SEC13: variants seen among roughly 807,000 people sequenced by gnomAD.
SEC13 encodes the protein SEC13 homolog, nuclear pore and COPII component, also known as protein SEC13 homolog.
Under a neutral mutation model 49.2 loss-of-function variants are expected in SEC13, and 25 were observed. The ratio of observed to expected loss-of-function variants is 0.51; its 90% CI spans 0.37 to 0.71. SEC13 has a LOEUF of 0.71. Ranked by LOEUF, SEC13 falls within the 30% of genes least tolerant of loss-of-function variation. The pLI is 0.00. For synonymous variants in SEC13, 148 were observed against 163.9 expected, an observed-to-expected ratio of 0.90 and a Z score of 0.74; for missense variants, 383 against 417.6, an observed-to-expected ratio of 0.92 and a Z score of 0.72.
intron 3 of SEC13, 126 bp from the exon 4 acceptor site, chr3:10,312,856 C>A: frequency 1.1e-6 from 1 of 915,198 alleles, no homozygotes. Flanking sequence ...AAAGGGAGAA[C>A]TATACAATGC....
Position 10,300,950 on chromosome 3 carries a change from A to ATTTAGTTCC in SEC13, c.*302_*310dup, listed in dbSNP as rs573836367. 6.1e-4 allele frequency: 532 copies of ATTTAGTTCC among 877,454 alleles called. 1 individual carries two copies. The highest frequency in any genetic ancestry group is 7.1e-4 in the Non-Finnish European group (397 of 557,276). The allele number at this position is 877,454 out of a possible 1,614,324, so 54.4% of individuals were successfully genotyped here. On this transcript the variant is annotated 3_prime_UTR_variant, in exon 9 of 9. Transcript: ENST00000350697. ...CAGGAATTATAAGCAATATGACTTT[A>ATTTAGTTCC]TTTAGTTCCTTTGGAAACAAAACCC...
At chr3:10,317,975 A>G (rs976239193) in intron 2 of SEC13, 75 bp downstream of exon 2, 7 of 1,023,178 alleles carry the variant, frequency 6.8e-6, no homozygotes, top group Non-Finnish European at 1.1e-5. Flanking sequence ...GGGGTAATGA[A>G]AACCCCAAAT....
intron 5 of SEC13, among the ~76,000 whole-genome samples, chr3:10,309,680 G>T (rs1701129087): frequency 6.6e-6 from 1 of 152,146 alleles, no homozygotes; most frequent in South Asian, 2.1e-4. Context: ...TCGGTTATGT[G>T]GGCATGTCTT....
intron 5 of SEC13, among the ~76,000 whole-genome samples, chr3:10,307,985 C>T (rs1434194783): frequency 6.6e-6 from 1 of 152,192 alleles, no homozygotes; most frequent in Non-Finnish European, 1.5e-5. Context: ...GTAGATTTCT[C>T]AGGAAGGGCT....
chr3:10,312,804 T>C, intron 3 of SEC13, 74 bp from the exon 4 acceptor site: 1 of 1,458,510 alleles, frequency 6.9e-7, no homozygotes, highest in Non-Finnish European at 9.5e-7. Context: ...ACTAAATGGC[T>C]CCCTGAGACG....
In SEC13 at chr3:10,318,107, A is replaced by G; in HGVS notation, c.4-13T>C. ...TAATTACTGACACCTAGAACCAAAG[A>G]TATCACTGGTAAATTAACTCATGGC... On this transcript the variant is annotated splice_polypyrimidine_tract_variant and intron_variant, in intron 1 of 8. Transcript: ENST00000350697. 1 of 1,584,940 alleles carries G rather than the reference A, an allele frequency of 6.3e-7. No individual in the cohort carries two copies. The highest frequency in any genetic ancestry group is 8.7e-7 in the Non-Finnish European group (1 of 1,153,874).
chr3:10,304,125 C>T lies in SEC13; in HGVS notation c.756G>A (p.Thr252=), dbSNP rs761585443. The change falls in exon 8 of 9, where the codon ACG becomes ACA. Residue 252 remains threonine, a synonymous_variant. Transcript: ENST00000350697. ...ACTTGTGCAACAATTTAGGGGACCA[C>T]GTATTGCTTGAGGCATCATCACAGG... is the stretch of plus-strand genomic sequence containing the variant. ...IWTCDDASSN[T]WSPKLLHKFN... 49 of 1,613,994 alleles carry T rather than the reference C, an allele frequency of 3.0e-5. No individual in the cohort carries two copies. Among genetic ancestry groups the T allele is most frequent in the Middle Eastern group, 1.6e-4 (1 of 6,084 alleles).
intron 1 of SEC13, among the ~76,000 whole-genome samples, chr3:10,319,819 GAAAGA>G (rs1324925599): frequency 2.0e-4 from 5 of 24,766 alleles, no homozygotes; most frequent in Non-Finnish European, 1.7e-4. Context: ...GGGGGGGGAG[GAAAGA>G]GGGAGGGGGA....
intron 5 of SEC13, chr3:10,305,973 C>A (rs2125249953): frequency 3.6e-6 from 1 of 278,134 alleles, no homozygotes; most frequent in East Asian, 6.2e-5. Flanking sequence ...TACATTGGAG[C>A]TTTTTTTTAA....
rs774247180 is a variant in SEC13, at chr3:10,304,881, C to G, written c.708+152G>C. 1.8e-4 allele frequency: 210 copies of G among 1,137,922 alleles called. No individual in the cohort carries two copies. The Middle Eastern group carries it at 6.9e-3, about 37-fold the overall frequency. 70.5% of individuals were successfully genotyped at this position (1,137,922 alleles called of 1,614,324 possible). On this transcript the variant is annotated intron_variant, in intron 7 of 8. Coordinates refer to ENST00000350697, the MANE Select transcript of SEC13 (RefSeq NM_183352.3). Reference sequence around the variant, plus strand: ...ACTTGTGGCTTCTGACCAAGACTTCCCCACACAATGACCTGACTCCCTGTG... The same window carrying G: ...ACTTGTGGCTTCTGACCAAGACTTCGCCACACAATGACCTGACTCCCTGTG...
At chr3:10,319,646 G>C (rs913887947) in intron 1 of SEC13, among the ~76,000 whole-genome samples, 1 of 151,770 alleles carries the variant, frequency 6.6e-6, no homozygotes, top group Non-Finnish European at 1.5e-5. Flanking sequence ...GGTTCACGAA[G>C]AAAGTTTACT....
In SEC13 at chr3:10,301,368, G is replaced by T. The variant is rs1700497379; in HGVS notation, c.862C>A (p.Leu288Met). The T allele has an allele frequency of 2.5e-6, 4 of 1,614,032 alleles. No individual in the cohort carries two copies. The highest frequency in any genetic ancestry group is 8.5e-7 in the Non-Finnish European group (1 of 1,180,038). ...TGCCCATCAACTGACTCCTTCCACA[G>T]GGTCACCTGCGAGTCAGTGCACAAG... The part of the protein sequence containing the change: ...AVSGGDNKVT[L>M]WKESVDGQWV... The change falls in exon 9 of 9, where the codon CTG becomes ATG. Residue 288 changes from leucine (L) to methionine (M), a missense_variant. Coordinates refer to ENST00000350697, the MANE Select transcript of SEC13 (RefSeq NM_183352.3).
intron 6 of SEC13, 68 bp from the exon 7 acceptor site, chr3:10,305,224 A>G: frequency 3.3e-6 from 5 of 1,527,380 alleles, no homozygotes; most frequent in Middle Eastern, 3.5e-4. Context: ...CCCCAACCCA[A>G]CAGGCTCTGC....
intron 8 of SEC13, among the ~76,000 whole-genome samples, chr3:10,301,692 G>C (rs930875935): frequency 6.6e-6 from 1 of 152,210 alleles, no homozygotes; most frequent in Non-Finnish European, 1.5e-5. Flanking sequence ...CCCCAGACCA[G>C]AGCAGAGCAT....
intron 7 of SEC13, among the ~76,000 whole-genome samples, chr3:10,304,611 C>G (rs1487022899): frequency 6.6e-6 from 1 of 152,174 alleles, no homozygotes; most frequent in Non-Finnish European, 1.5e-5. Flanking sequence ...AGCTGGCTCC[C>G]TCTAGGGTGG....
rs757363368 is a variant in SEC13 at position 10,304,056 on chromosome 3, G to A, written c.825C>T (p.Asn275=). ...TGTCTCCACCAGAGACAGCCAGGAT[G>A]TTGGCTGTGATGGACCAGCTCACAT... The part of the protein sequence containing the change: ...VWHVSWSITA[N]ILAVSGGDNK... Residue 275 remains asparagine, a synonymous_variant, in exon 8 of 9, where the codon AAC becomes AAT. Transcript: ENST00000350697. 6.2e-7 allele frequency: 1 copy of A among 1,614,186 alleles called. No individual in the cohort carries two copies. Among genetic ancestry groups the A allele is most frequent in the East Asian group, 2.2e-5 (1 of 44,892 alleles).
Position 10,301,388 on chromosome 3 carries a change from C to CACAAGCAG in SEC13, c.856-22_856-15dup. 6.2e-7 allele frequency: 1 copy of CACAAGCAG among 1,614,132 alleles called. No homozygotes were observed. Among genetic ancestry groups the CACAAGCAG allele is most frequent in the South Asian group, 1.1e-5 (1 of 91,086 alleles). On this transcript the variant is annotated splice_polypyrimidine_tract_variant and intron_variant, in intron 8 of 8. Transcript: ENST00000350697. The stretch of plus-strand genomic sequence containing the variant: ...CCACAGGGTCACCTGCGAGTCAGTG[C>CACAAGCAG]ACAAGCAGATTATCACGGGTCTGTG...
At chr3:10,310,488 C>A (rs1037273606) in intron 5 of SEC13, among the ~76,000 whole-genome samples, 2 of 152,080 alleles carry the variant, frequency 1.3e-5, no homozygotes, top group African/African-American at 4.8e-5. Context: ...AAGCCTCCGT[C>A]TCAAAAAAAC....
intron 5 of SEC13, among the ~76,000 whole-genome samples, chr3:10,308,058 A>T (rs1393875055): frequency 6.6e-6 from 1 of 152,188 alleles, no homozygotes; most frequent in Non-Finnish European, 1.5e-5. Flanking sequence ...TTACACTCAA[A>T]AGCTAATTTT....
Sources: allele counts gnomAD v4.1 joint callset (sites outside exome capture counted in the v4.1 genomes callset), GRCh38; gene constraint gnomAD v4.1.1; transcripts MANE v1.5; gene names NCBI Gene and HGNC (gene_info 2026-07-23, HGNC 2026-07-21).